The following PCDHA6 variants were observed in gnomAD, a reference collection of about 807,000 sequenced individuals.
The protein encoded by PCDHA6 is protocadherin alpha 6.
Under a neutral mutation model 60.3 loss-of-function variants are expected in PCDHA6, and 55 were observed. That is an observed-to-expected ratio of 0.91 (90% CI 0.73 to 1.14). PCDHA6 has a LOEUF of 1.14. Ranked by LOEUF, PCDHA6 falls within the 50% of genes most tolerant of loss-of-function variation. The probability of loss-of-function intolerance (pLI) is 0.00; values close to 1 mark genes in which losing one functional copy is unlikely to be tolerated. For synonymous variants in PCDHA6, 652 were observed against 557.9 expected, an observed-to-expected ratio of 1.17 and a Z score of -2.38; for missense variants, 1,327 against 1,256.5, an observed-to-expected ratio of 1.06 and a Z score of -0.85.
At chr5:140,840,664 A>T (rs2150308594) in intron 1 of PCDHA6, among the ~76,000 whole-genome samples, 5 of 152,102 alleles carry the variant, frequency 3.3e-5, no homozygotes, top group Admixed American at 1.3e-4. Context: ...ATATGCACAT[A>T]CATTTTTATT....
intron 1 of PCDHA6, chr5:140,841,832 A>G: frequency 6.2e-7 from 1 of 1,613,924 alleles, no homozygotes; most frequent in Non-Finnish European, 8.5e-7. Flanking sequence ...GTTAACCTAC[A>G]GGCTTAGCTC....
chr5:140,842,488 G>A, intron 1 of PCDHA6: 3 of 1,613,912 alleles, frequency 1.9e-6, no homozygotes, highest in Non-Finnish European at 1.7e-6. Flanking sequence ...CCTGCTCCCT[G>A]ATGCCCCATG....
intron 1 of PCDHA6, among the ~76,000 whole-genome samples, chr5:140,962,051 T>C (rs1352018533): frequency 2.0e-5 from 3 of 151,838 alleles, no homozygotes; most frequent in Admixed American, 6.6e-5. Context: ...GCCTGGCTAA[T>C]TTTTTTGTAT....
At chr5:140,871,321 T>A in intron 1 of PCDHA6, 2 of 1,614,066 alleles carry the variant, frequency 1.2e-6, no homozygotes, top group Non-Finnish European at 1.7e-6. Flanking sequence ...CACGCTGGTG[T>A]GCTCCCGCGC....
At position 140,942,403 on chromosome 5, in the gene PCDHA6, T is replaced by A. The variant is rs184466711; in HGVS notation, c.2395-36546T>A. Among the ~76,000 whole-genome samples the A allele has an allele frequency of 2.8e-3, 421 of 151,284 alleles. 2 individuals are homozygous for A. The highest frequency in any genetic ancestry group is 0.014 in the Middle Eastern group (4 of 294). The stretch of plus-strand genomic sequence containing the variant: ...TTCCAGCCTGGGCGACAGATGAGAC[T>A]CTGTTTAAAAAAAAAAAAGATATCT... On this transcript the variant is annotated intron_variant, in intron 1 of 3. Transcript: ENST00000529310.
intron 1 of PCDHA6, among the ~76,000 whole-genome samples, chr5:140,878,693 C>T (rs932928385): frequency 6.6e-6 from 1 of 152,136 alleles, no homozygotes; most frequent in South Asian, 2.1e-4. Context: ...TCTTACATAC[C>T]CCAGCCTGGT....
rs1554204607 is a variant in PCDHA6 at position 140,927,485 on chromosome 5, C to G, written c.2395-51464C>G. On this transcript the variant is annotated intron_variant, in intron 1 of 3. Transcript: ENST00000529310. ...GCACTGGATCGCGAACAGCGCGCCA[C>G]CCACCTGCTGGTGCTTACAGCTCGG... is the stretch of plus-strand genomic sequence containing the variant. The G allele has an allele frequency of 2.5e-6, 4 of 1,614,098 alleles. No individual in the cohort carries two copies. In the Admixed American group the frequency reaches 6.7e-5, roughly 27 times the overall value.
At chr5:140,851,466 A>C in intron 1 of PCDHA6, 1 of 895,524 alleles carries the variant, frequency 1.1e-6, no homozygotes, top group Non-Finnish European at 1.4e-6. Context: ...AAATTATGTC[A>C]ATAAATGTTA....
At chr5:140,923,362 T>C (rs1294539314) in intron 1 of PCDHA6, among the ~76,000 whole-genome samples, 1 of 152,136 alleles carries the variant, frequency 6.6e-6, no homozygotes, top group East Asian at 1.9e-4. Context: ...CCTATCTTTA[T>C]AAAATATTTT....
chr5:140,884,555 G>A (rs1554181729), intron 1 of PCDHA6: 1 of 1,614,098 alleles, frequency 6.2e-7, no homozygotes. Flanking sequence ...CTCTGGGGAG[G>A]GCCCGCATAA....
chr5:140,876,555 G>C (rs782622293), intron 1 of PCDHA6: 1 of 1,614,072 alleles, frequency 6.2e-7, no homozygotes, highest in African/African-American at 1.3e-5. Context: ...CTGTGCAAGA[G>C]GATGCTCAGG....
Position 140,829,708 on chromosome 5 carries a change from C to G in PCDHA6, c.1617C>G (p.Asp539Glu). The change falls in exon 1 of 4, where the codon GAC becomes GAG. Residue 539 changes from aspartate to glutamate, a missense_variant. Transcript: ENST00000529310. ...TGCAGTTTCAGGTGAGCGCGCGCGACGCGGGCGTGCCGCCTCTGGGCAGCA... is the reference window on the plus strand; with the variant it reads ...TGCAGTTTCAGGTGAGCGCGCGCGAGGCGGGCGTGCCGCCTCTGGGCAGCA... Reference protein sequence around the residue: ...ELLQFQVSARDAGVPPLGSNV... With the variant: ...ELLQFQVSAREAGVPPLGSNV... 1 of 1,613,376 alleles carries G rather than the reference C, an allele frequency of 6.2e-7. No homozygotes were observed. The highest frequency in any genetic ancestry group is 1.1e-5 in the South Asian group (1 of 91,058).
intron 1 of PCDHA6, chr5:140,863,421 C>A (rs564217392): frequency 7.2e-6 from 5 of 689,680 alleles, no homozygotes; most frequent in Admixed American, 1.9e-5. Context: ...TGTACCGCAG[C>A]GTAGTGGGAT....
At chr5:140,941,505 C>T (rs536733497) in intron 1 of PCDHA6, among the ~76,000 whole-genome samples, 11 of 151,390 alleles carry the variant, frequency 7.3e-5, no homozygotes, top group East Asian at 1.9e-4. Flanking sequence ...TTAGTAGAGA[C>T]GAGGTTTCAC....
At chr5:140,870,524 TCA>T (rs782755570) in intron 1 of PCDHA6, 1 of 1,614,194 alleles carries the variant, frequency 6.2e-7, no homozygotes, top group Non-Finnish European at 8.5e-7. Context: ...TGCCACATCT[TCA>T]CAGTGTCGGC....
At chr5:140,974,721 G>T (rs1033117636) in intron 1 of PCDHA6, among the ~76,000 whole-genome samples, 1 of 152,050 alleles carries the variant, frequency 6.6e-6, no homozygotes, top group Non-Finnish European at 1.5e-5. Context: ...AGCTGCTCTC[G>T]AACTCCTGTC....
chr5:140,870,729 G>T (rs782392672), intron 1 of PCDHA6: 7 of 1,613,306 alleles, frequency 4.3e-6, no homozygotes, highest in Non-Finnish European at 5.1e-6. Flanking sequence ...CGGGCGTGCC[G>T]CCTCTGAGCA....
rs543488933 is a variant in PCDHA6, at chr5:140,915,492, A to G, written c.2395-63457A>G. The stretch of plus-strand genomic sequence containing the variant: ...TGAAGGAGCTTGGGCCTCAATCCCA[A>G]TAATACTGTGGTTTTTGCAGACTAG... On this transcript the variant is annotated intron_variant, in intron 1 of 3. Coordinates refer to ENST00000529310, the MANE Select transcript of PCDHA6 (RefSeq NM_018909.4). 2.0e-5 allele frequency among the ~76,000 whole-genome samples: 3 copies of G among 152,232 alleles called. No homozygotes were observed. The South Asian group carries it at 6.2e-4, about 32-fold the overall frequency.
At chr5:140,836,816 T>G in intron 1 of PCDHA6, 1 of 1,201,468 alleles carries the variant, frequency 8.3e-7, no homozygotes, top group Non-Finnish European at 1.2e-6. Context: ...TCTTTCATAA[T>G]TTCTTTTTTA....
Sources: allele counts gnomAD v4.1 joint callset (sites outside exome capture counted in the v4.1 genomes callset), GRCh38; gene constraint gnomAD v4.1.1; transcripts MANE v1.5; gene names NCBI Gene and HGNC (gene_info 2026-07-23, HGNC 2026-07-21).